CACHD1: variants seen among roughly 807,000 people sequenced by gnomAD.
CACHD1 encodes the protein VWFA and cache domain-containing protein 1.
A neutral mutation model predicts 138.7 loss-of-function variants in CACHD1; 71 were observed. The observed-to-expected ratio is 0.51, with a 90% CI of 0.42 to 0.62. The LOEUF (loss-of-function observed/expected upper bound fraction) is 0.62, where lower values mean the gene tolerates loss of function less well. Ranked by LOEUF, CACHD1 falls within the 20% of genes least tolerant of loss-of-function variation. The probability of loss-of-function intolerance (pLI) is 0.00; values close to 1 mark genes in which losing one functional copy is unlikely to be tolerated. For missense variants in CACHD1, 1,389 were observed against 1,625.3 expected (o/e 0.85, Z 2.50); for synonymous variants, 578 against 591.5 (o/e 0.98, Z 0.33).
At chr1:64,690,683 C>T (rs1208758597) in intron 26 of CACHD1, among the ~76,000 whole-genome samples, 1 of 152,228 alleles carries the variant, frequency 6.6e-6, no homozygotes, top group Non-Finnish European at 1.5e-5. Context: ...CTCTGATCAT[C>T]ATTTCCCTGA....
chr1:64,545,299 C>T lies in CACHD1; in HGVS notation c.199-5295C>T, dbSNP rs115083544. Among the ~76,000 whole-genome samples the T allele has an allele frequency of 9.8e-3, 1,489 of 152,204 alleles. 12 individuals are homozygous for T. The highest frequency in any genetic ancestry group is 0.016 in the South Asian group (79 of 4,818). On this transcript the variant is annotated intron_variant, in intron 1 of 26. Transcript: ENST00000651257. ...GAATTCTCACAAAAGTGAACACATC[C>T]GGTAACCAGCAACCACATCAAGAAA... is the stretch of plus-strand genomic sequence containing the variant.
chr1:64,654,980 T>C (rs376051526), intron 12 of CACHD1, among the ~76,000 whole-genome samples, 177 bp downstream of exon 12: 10 of 152,230 alleles, frequency 6.6e-5, no homozygotes, highest in African/African-American at 2.2e-4. Flanking sequence ...TATAATTATT[T>C]TTCCTTTTTT....
At chr1:64,647,707 C>A in intron 8 of CACHD1, 94 bp from the exon 9 acceptor site, 2 of 1,007,432 alleles carry the variant, frequency 2.0e-6, no homozygotes. Flanking sequence ...ATTACAAGAC[C>A]TCATCCATGC....
chr1:64,649,673 C>T (rs1649026406), intron 9 of CACHD1, among the ~76,000 whole-genome samples: 1 of 152,146 alleles, frequency 6.6e-6, no homozygotes, highest in African/African-American at 2.4e-5. Context: ...GATCATATAG[C>T]CAAATTCTCT....
intron 2 of CACHD1, among the ~76,000 whole-genome samples, chr1:64,559,743 C>A (rs1646824928): frequency 6.6e-6 from 1 of 152,156 alleles, no homozygotes; most frequent in Non-Finnish European, 1.5e-5. Context: ...TTTCTTCCTG[C>A]AGTGTTTGAT....
At chr1:64,485,499 C>T (rs940832960) in intron 1 of CACHD1, among the ~76,000 whole-genome samples, 3 of 152,184 alleles carry the variant, frequency 2.0e-5, no homozygotes, top group African/African-American at 7.2e-5. Flanking sequence ...CTATTTATTG[C>T]TGAGTACCAT....
At chr1:64,611,939 A>C (rs116237737) in intron 4 of CACHD1, among the ~76,000 whole-genome samples, 14 of 152,356 alleles carry the variant, frequency 9.2e-5, no homozygotes, top group African/African-American at 3.1e-4. Flanking sequence ...ACAGTTCCAC[A>C]TGGCTATGGA....
At chr1:64,591,024 G>A (rs182509637) in intron 3 of CACHD1, among the ~76,000 whole-genome samples, 5 of 152,260 alleles carry the variant, frequency 3.3e-5, no homozygotes, top group African/African-American at 1.2e-4. Context: ...AAGTTTGTTT[G>A]GTTGTTTGTT....
At chr1:64,685,175 T>C (rs1650326599) in intron 26 of CACHD1, among the ~76,000 whole-genome samples, 1 of 152,218 alleles carries the variant, frequency 6.6e-6, no homozygotes, top group Non-Finnish European at 1.5e-5. Flanking sequence ...TGTTTAGATA[T>C]ATAAATACCT....
At chr1:64,630,300 A>AT (rs559475497) in intron 5 of CACHD1, among the ~76,000 whole-genome samples, 31,049 of 140,390 alleles carry the variant, frequency 0.22, 3,630 homozygotes, top group Admixed American at 0.31. Flanking sequence ...TTTTCCTAAG[A>AT]TTTTTTTTTT....
chr1:64,672,652 G>A (rs1649853959), intron 17 of CACHD1, among the ~76,000 whole-genome samples: 1 of 152,074 alleles, frequency 6.6e-6, no homozygotes, highest in Non-Finnish European at 1.5e-5. Flanking sequence ...GGGGGTCTTG[G>A]AACATATCTT....
intron 24 of CACHD1, among the ~76,000 whole-genome samples, chr1:64,680,850 T>G (rs1266563600): frequency 6.6e-6 from 1 of 152,234 alleles, no homozygotes; most frequent in African/African-American, 2.4e-5. Flanking sequence ...TTGGTGAGAT[T>G]CAGCTAGACT....
At chr1:64,477,635 T>TTTTA (rs1553125601) in intron 1 of CACHD1, among the ~76,000 whole-genome samples, 13 of 132,714 alleles carry the variant, frequency 9.8e-5, no homozygotes, top group African/African-American at 4.4e-4. Flanking sequence ...TTTTATTTTA[T>TTTTA]TTTTTTTTTT....
At chr1:64,662,332 G>A (rs558684090) in intron 13 of CACHD1, among the ~76,000 whole-genome samples, 1 of 152,296 alleles carries the variant, frequency 6.6e-6, no homozygotes, top group Non-Finnish European at 1.5e-5. Context: ...CTTTGAAATA[G>A]GATTAGTTGA....
intron 3 of CACHD1, among the ~76,000 whole-genome samples, chr1:64,598,218 G>C (rs552750648): frequency 1.3e-5 from 2 of 152,276 alleles, no homozygotes; most frequent in African/African-American, 4.8e-5. Flanking sequence ...CAGTCCACCA[G>C]CCCTGTATAT....
At chr1:64,482,271 T>G (rs1010108526) in intron 1 of CACHD1, among the ~76,000 whole-genome samples, 1 of 152,204 alleles carries the variant, frequency 6.6e-6, no homozygotes, top group African/African-American at 2.4e-5. Context: ...CCACTTGGAT[T>G]ACTCCGTGTG....
chr1:64,475,423 C>A (rs1646169390), intron 1 of CACHD1, among the ~76,000 whole-genome samples: 1 of 152,136 alleles, frequency 6.6e-6, no homozygotes, highest in Non-Finnish European at 1.5e-5. Context: ...ACCTTGGCTT[C>A]CCAAAGTTCT....
At chr1:64,471,197 A>T (rs1369837350) in intron 1 of CACHD1, among the ~76,000 whole-genome samples, 1 of 152,096 alleles carries the variant, frequency 6.6e-6, no homozygotes, top group Non-Finnish European at 1.5e-5. Context: ...GACCCTGCAC[A>T]GCCCCCCTCT....
chr1:64,565,033 G>T (rs1221158967), intron 2 of CACHD1, among the ~76,000 whole-genome samples: 3 of 150,146 alleles, frequency 2.0e-5, no homozygotes, highest in Non-Finnish European at 3.0e-5. Context: ...ATATTTCCAG[G>T]ATCTGGATTT....
Sources: allele counts gnomAD v4.1 joint callset (sites outside exome capture counted in the v4.1 genomes callset), GRCh38; gene constraint gnomAD v4.1.1; transcripts MANE v1.5; gene names NCBI Gene and HGNC (gene_info 2026-07-23, HGNC 2026-07-21).